The following MDM4 variants were observed in gnomAD, a reference collection of about 807,000 sequenced individuals.
MDM4 encodes protein Mdm4.
MDM4 carries 2 observed loss-of-function variants against 60.2 expected under a neutral mutation model. That is an observed-to-expected ratio of 0.03 (90% CI 0.01 to 0.10). The LOEUF (loss-of-function observed/expected upper bound fraction) is 0.10, where lower values mean the gene tolerates loss of function less well. Ranked by LOEUF, MDM4 falls within the 10% of genes least tolerant of loss-of-function variation. The pLI, the probability that MDM4 is intolerant of heterozygous loss-of-function variation, is 1.00. For missense variants in MDM4, 447 were observed against 577.5 expected (o/e 0.77, Z 2.32); for synonymous variants, 202 against 198.1 (o/e 1.02, Z -0.17).
At chr1:204,518,309 CCGGCTGCAGTTGG>C (rs1659203058) in intron 1 of MDM4, among the ~76,000 whole-genome samples, 1 of 152,184 alleles carries the variant, frequency 6.6e-6, no homozygotes, top group Non-Finnish European at 1.5e-5. Flanking sequence ...GCACAGGCCA[CCGGCTGCAGTTGG>C]TTTTTTAAGA....
At chr1:204,528,461 G>A (rs1441423988) in intron 3 of MDM4, among the ~76,000 whole-genome samples, 1 of 152,188 alleles carries the variant, frequency 6.6e-6, no homozygotes, top group Non-Finnish European at 1.5e-5. Flanking sequence ...GGGAACACAG[G>A]TGCTAATGGT....
At chr1:204,532,300 C>A in intron 5 of MDM4, 54 bp downstream of exon 5, 2 of 1,126,386 alleles carry the variant, frequency 1.8e-6, no homozygotes, top group Non-Finnish European at 2.7e-6. Flanking sequence ...TTCAAGGGGG[C>A]AAATGATGGG....
rs922825455 is a variant in MDM4, at chr1:204,550,363, C to G, written c.*681C>G. ...AATTTTTTGTGGAGATGAAGTCTCA[C>G]TATGTTGCCCAGGCTGGTCTCGAAC... is the stretch of plus-strand genomic sequence containing the variant. On this transcript the variant is annotated 3_prime_UTR_variant, in exon 11 of 11. Transcript: ENST00000367182. 1 of 215,346 alleles carries G rather than the reference C, an allele frequency of 4.6e-6. No homozygotes were observed. Among genetic ancestry groups the G allele is most frequent in the Non-Finnish European group, 9.4e-6 (1 of 106,732 alleles). 13.3% of individuals were successfully genotyped at this position (215,346 alleles called of 1,614,324 possible). A position where few individuals can be genotyped will look rare whatever the true frequency, so the allele number is the denominator to read the frequency against.
intron 8 of MDM4, among the ~76,000 whole-genome samples, chr1:204,543,558 AT>A (rs1662352560): frequency 1.3e-5 from 2 of 152,092 alleles, no homozygotes; most frequent in African/African-American, 4.8e-5. Flanking sequence ...GTTCCCCCAC[AT>A]TCTTTCTTTG....
intron 2 of MDM4, among the ~76,000 whole-genome samples, chr1:204,525,804 A>C (rs1660077384): frequency 6.6e-6 from 1 of 152,126 alleles, no homozygotes; most frequent in Admixed American, 6.6e-5. Context: ...AGCTAGATGC[A>C]GTGGGGTGTG....
intron 8 of MDM4, 64 bp downstream of exon 8, chr1:204,543,008 T>C: frequency 1.5e-6 from 2 of 1,317,524 alleles, no homozygotes; most frequent in African/African-American, 1.5e-5. Flanking sequence ...TCTTGGTTAC[T>C]CTTGACCACA....
Position 204,549,226 on chromosome 1 carries a change from TTCTCTC to T in MDM4, c.1020_1025del (p.Leu341_Ser342del). 3 of 1,614,046 alleles carry T rather than the reference TTCTCTC, an allele frequency of 1.9e-6. No individual in the cohort carries two copies. Among genetic ancestry groups the T allele is most frequent in the Non-Finnish European group, 2.5e-6 (3 of 1,179,884 alleles). On this transcript the variant is annotated inframe_deletion, in exon 11 of 11. Transcript: ENST00000367182. ...ATTCAGATTGTTCAAAGTTAACCCA[TTCTCTC>T]TCCACGTCTGATATCACTGCCATAC...
chr1:204,518,365 T>G (rs938231267), intron 1 of MDM4, among the ~76,000 whole-genome samples: 4 of 152,242 alleles, frequency 2.6e-5, no homozygotes, highest in Admixed American at 2.0e-4. Context: ...TAATTAAAGA[T>G]TTAATCTTCC....
At chr1:204,538,092 C>T (rs1661601783) in intron 6 of MDM4, 117 bp from the exon 7 acceptor site, 2 of 769,074 alleles carry the variant, frequency 2.6e-6, no homozygotes, top group Non-Finnish European at 4.8e-6. Context: ...CTTGAGTTCT[C>T]TTTCTTGTGT....
intron 5 of MDM4, among the ~76,000 whole-genome samples, chr1:204,536,213 C>T (rs1474891069): frequency 2.0e-5 from 3 of 152,238 alleles, no homozygotes; most frequent in Non-Finnish European, 4.4e-5. Flanking sequence ...GATTGCGCCA[C>T]TGCTCTCCAG....
chr1:204,526,467 G>GTTTT (rs200388119), intron 3 of MDM4, 33 bp downstream of exon 3: 316 of 1,184,260 alleles, frequency 2.7e-4, no homozygotes, highest in Middle Eastern at 5.5e-4. Context: ...CATTTTTTTT[G>GTTTT]TTTTTTTTTT....
intron 3 of MDM4, among the ~76,000 whole-genome samples, chr1:204,528,338 G>A (rs1572468782): frequency 6.6e-6 from 1 of 152,164 alleles, no homozygotes; most frequent in African/African-American, 2.4e-5. Context: ...AATACCCAAG[G>A]ATTTATGGGT....
At chr1:204,529,609 G>GCA in intron 3 of MDM4, 8 of 1,255,258 alleles carry the variant, frequency 6.4e-6, no homozygotes, top group African/African-American at 1.5e-5. Flanking sequence ...CTACTGGGGG[G>GCA]GGTCCAAGGT....
chr1:204,540,343 G>A (rs936279470), intron 7 of MDM4, among the ~76,000 whole-genome samples: 2 of 151,880 alleles, frequency 1.3e-5, no homozygotes, highest in African/African-American at 4.8e-5. Context: ...TTATGTATAT[G>A]CAAATATTCC....
Position 204,554,025 on chromosome 1 carries a change from A to G in MDM4, c.*4343A>G, listed in dbSNP as rs1663395905. ...TTTTAATTATAATTTATGTATAGTT[A>G]GATGTATGTAGTGCATTGTGTGGTA... On this transcript the variant is annotated 3_prime_UTR_variant, in exon 11 of 11. Coordinates refer to ENST00000367182, the MANE Select transcript of MDM4 (RefSeq NM_002393.5). The G allele has an allele frequency of 4.4e-6, 1 of 226,420 alleles. No individual in the cohort carries two copies. Among genetic ancestry groups the G allele is most frequent in the East Asian group, 6.4e-5 (1 of 15,646 alleles). The allele number at this position is 226,420 out of a possible 1,614,324, so 14.0% of individuals were successfully genotyped here.
In MDM4 at chr1:204,549,351, A is replaced by C; in HGVS notation, c.1142A>C (p.Glu381Ala). ...VRPKDAYIKK[E>A]NSKLFDPCNS... Reference sequence around the variant, plus strand: ...CCTAAAGATGCGTATATAAAGAAAGAAAACTCCAAACTTTTTGATCCCTGC... The same window carrying C: ...CCTAAAGATGCGTATATAAAGAAAGCAAACTCCAAACTTTTTGATCCCTGC... The change falls in exon 11 of 11, where the codon GAA (glutamate) becomes GCA (alanine). Residue 381 changes from glutamate (E) to alanine (A), a missense_variant. Glu to Ala is a moderately radical substitution (Grantham distance 107). Around this residue, in one of 8 missense-constraint regions of MDM4, gnomAD observed 117 missense variants for 114.5 expected, o/e 1.02. Coordinates refer to ENST00000367182, the MANE Select transcript of MDM4 (RefSeq NM_002393.5). The C allele has an allele frequency of 6.2e-7, 1 of 1,614,246 alleles. No individual in the cohort carries two copies. Among genetic ancestry groups the C allele is most frequent in the Non-Finnish European group, 8.5e-7 (1 of 1,180,044 alleles).
Position 204,525,493 on chromosome 1 carries a change from C to A in MDM4, c.-26C>A. 6.3e-7 allele frequency: 1 copy of A among 1,583,812 alleles called. No homozygotes were observed. The highest frequency in any genetic ancestry group is 8.5e-7 in the Non-Finnish European group (1 of 1,171,936). On this transcript the variant is annotated 5_prime_UTR_variant, in exon 2 of 11. Transcript: ENST00000367182. Reference sequence around the variant, plus strand: ...TTTTTTTTCTATTTAGTTTTACCAACAGACTGCAGTTTCTTCACTACCAAA... The same window carrying A: ...TTTTTTTTCTATTTAGTTTTACCAAAAGACTGCAGTTTCTTCACTACCAAA...
At chr1:204,523,296 C>T (rs948596159) in intron 1 of MDM4, among the ~76,000 whole-genome samples, 29 of 148,954 alleles carry the variant, frequency 1.9e-4, no homozygotes, top group African/African-American at 4.9e-4. Flanking sequence ...GGTGAAACCC[C>T]GTCTCTACTA....
intron 3 of MDM4, 31 bp downstream of exon 3, chr1:204,526,465 T>TG (rs1356748166): frequency 7.4e-6 from 11 of 1,486,254 alleles, no homozygotes; most frequent in Admixed American, 2.1e-5. Flanking sequence ...CTCATTTTTT[T>TG]TGTTTTTTTT....
Sources: allele counts gnomAD v4.1 joint callset (sites outside exome capture counted in the v4.1 genomes callset), GRCh38; gene constraint gnomAD v4.1.1; regional missense constraint gnomAD v4.1.1; transcripts MANE v1.5; gene names NCBI Gene and HGNC (gene_info 2026-07-23, HGNC 2026-07-21).